Variants in MTRF1L observed in about 807,000 individuals in gnomAD.
MTRF1L encodes peptide chain release factor 1-like, mitochondrial.
In MTRF1L, 29 loss-of-function variants were observed where a neutral mutation model predicts 40.0. The observed-to-expected ratio is 0.73, with a 90% CI of 0.54 to 0.99. The LOEUF is 0.99. Ranked by LOEUF, MTRF1L falls within the 50% of genes least tolerant of loss-of-function variation. The pLI, the probability that MTRF1L is intolerant of heterozygous loss-of-function variation, is 0.00. For missense variants in MTRF1L, 412 were observed against 464.5 expected, an observed-to-expected ratio of 0.89 and a Z score of 1.04; for synonymous variants, 150 against 175.8, an observed-to-expected ratio of 0.85 and a Z score of 1.16.
intron 1 of MTRF1L, 150 bp from the exon 2 acceptor site, chr6:152,998,779 C>G: frequency 2.4e-6 from 1 of 415,068 alleles, no homozygotes; most frequent in South Asian, 6.6e-5. Flanking sequence ...CAATAAATGC[C>G]TTTCAATAAA....
chr6:153,001,152 C>T (rs1584108253), intron 1 of MTRF1L, among the ~76,000 whole-genome samples: 1 of 152,134 alleles, frequency 6.6e-6, no homozygotes, highest in Admixed American at 6.5e-5. Context: ...GAATTAGAGG[C>T]GTGAGCCACC....
intron 2 of MTRF1L, among the ~76,000 whole-genome samples, chr6:152,997,508 T>C (rs962237212): frequency 1.3e-5 from 2 of 152,186 alleles, no homozygotes; most frequent in African/African-American, 2.4e-5. Context: ...TTTACCAGTA[T>C]GATCCTGGAG....
chr6:152,998,443 GT>G, intron 2 of MTRF1L, 106 bp downstream of exon 2: 1 of 781,622 alleles, frequency 1.3e-6, no homozygotes, highest in East Asian at 3.1e-5. Flanking sequence ...AAAAAACCCA[GT>G]TTATTCTAAA....
chr6:152,995,490 C>A (rs1376620226), intron 2 of MTRF1L, among the ~76,000 whole-genome samples, 171 bp from the exon 3 acceptor site: 1 of 152,108 alleles, frequency 6.6e-6, no homozygotes, highest in Non-Finnish European at 1.5e-5. Flanking sequence ...TAATGTGTAA[C>A]TTCCATAAAG....
In MTRF1L at chr6:152,995,320, CTG is replaced by C. The variant is rs1277084368; in HGVS notation, c.340-3_340-2del. 1 of 1,570,844 alleles carries C rather than the reference CTG, an allele frequency of 6.4e-7. No individual in the cohort carries two copies. The highest frequency in any genetic ancestry group is 8.6e-7 in the Non-Finnish European group (1 of 1,161,602). On this transcript the variant is annotated splice_acceptor_variant and splice_polypyrimidine_tract_variant and intron_variant, in intron 2 of 6. Transcript: ENST00000367233. LOFTEE classifies it high-confidence loss of function. ...CTGAGGGAACCAAAAGTAAGATAAT[CTG>C]TAAATATAAAAATATCACCCCTCCT...
chr6:152,992,964 A>T lies in MTRF1L; in HGVS notation c.698T>A (p.Val233Glu), dbSNP rs751405319. The T allele has an allele frequency of 6.2e-7, 1 of 1,611,694 alleles. No homozygotes were observed. Among genetic ancestry groups the T allele is most frequent in the Non-Finnish European group, 8.5e-7 (1 of 1,178,386 alleles). ...ILPQPTEINL[V>E]INPKDLRIDT... ...AATTCTCAAATCTTTCGGATTAATC[A>T]CCAGATTAATCTATACAGAAGAAAA... Residue 233 changes from valine to glutamate, a missense_variant, in exon 5 of 7, where the codon GTG (valine) becomes GAG (glutamate). Physicochemically the swap from Val to Glu is moderately radical, Grantham distance 121. Transcript: ENST00000367233.
intron 6 of MTRF1L, 105 bp downstream of exon 6, chr6:152,991,080 A>C (rs1778493996): frequency 1.4e-6 from 1 of 708,630 alleles, no homozygotes; most frequent in Non-Finnish European, 2.2e-6. Context: ...AATTGTTTTC[A>C]ACACAGGTTA....
At chr6:152,993,243 T>C (rs966786900) in intron 4 of MTRF1L, among the ~76,000 whole-genome samples, 1 of 152,168 alleles carries the variant, frequency 6.6e-6, no homozygotes, top group African/African-American at 2.4e-5. Context: ...ATCCATTTCT[T>C]ACCACAGAAA....
rs888548666 is a variant in MTRF1L, at chr6:153,002,686, C to T, written c.-1G>A. The T allele has an allele frequency of 6.1e-6, 9 of 1,481,244 alleles. No homozygotes were observed. Among genetic ancestry groups the T allele is most frequent in the Non-Finnish European group, 8.0e-6 (9 of 1,121,266 alleles). The allele number at this position is 1,481,244 out of a possible 1,614,324, so 91.8% of individuals were successfully genotyped here. ...CGCCCCACAGAACCCGGGACCGCAT[C>T]CTTAGTCCGAGATCGCGGACCCTGA... On this transcript the variant is annotated 5_prime_UTR_variant, in exon 1 of 7. Transcript: ENST00000367233.
intron 1 of MTRF1L, 65 bp downstream of exon 1, chr6:153,002,362 G>C (rs1189454348): frequency 6.2e-7 from 1 of 1,612,240 alleles, no homozygotes; most frequent in Admixed American, 1.7e-5. Flanking sequence ...AGTGTGGGCA[G>C]TGGAAAAGTC....
intron 1 of MTRF1L, among the ~76,000 whole-genome samples, chr6:152,999,861 G>T (rs1332572892): frequency 6.6e-6 from 1 of 152,170 alleles, no homozygotes; most frequent in Non-Finnish European, 1.5e-5. Flanking sequence ...TGTGAAAACA[G>T]ACTAATACAC....
At chr6:152,999,252 C>T (rs1454717271) in intron 1 of MTRF1L, among the ~76,000 whole-genome samples, 1 of 150,594 alleles carries the variant, frequency 6.6e-6, no homozygotes, top group Non-Finnish European at 1.5e-5. Context: ...CTTTCTCATT[C>T]CTCTACCCTA....
At chr6:153,002,037 T>C (rs1201015806) in intron 1 of MTRF1L, among the ~76,000 whole-genome samples, 1 of 152,206 alleles carries the variant, frequency 6.6e-6, no homozygotes, top group Non-Finnish European at 1.5e-5. Context: ...CACGTATAGG[T>C]CTGAGATTCT....
intron 2 of MTRF1L, among the ~76,000 whole-genome samples, chr6:152,997,559 G>T (rs1778755532): frequency 6.6e-6 from 1 of 152,204 alleles, no homozygotes; most frequent in Non-Finnish European, 1.5e-5. Context: ...GAGGTGGAAG[G>T]GGTCGAGTCA....
intron 6 of MTRF1L, 92 bp from the exon 7 acceptor site, chr6:152,990,187 A>AT: frequency 6.7e-7 from 1 of 1,496,170 alleles, no homozygotes; most frequent in African/African-American, 1.5e-5. Context: ...TTCTTGATTT[A>AT]TAACATGAAT....
In MTRF1L at chr6:152,989,605, C is replaced by T. The variant is rs1778428417; in HGVS notation, c.*290G>A. On this transcript the variant is annotated 3_prime_UTR_variant, in exon 7 of 7. Coordinates refer to ENST00000367233, the MANE Select transcript of MTRF1L (RefSeq NM_019041.7). Reference sequence around the variant, plus strand: ...AAAGTTGGAAAATTGTTAAGTCAAGCTGTCATTAATTAGGAGACTGCTGTG... The same window carrying T: ...AAAGTTGGAAAATTGTTAAGTCAAGTTGTCATTAATTAGGAGACTGCTGTG... 1 of 273,720 alleles carries T rather than the reference C, an allele frequency of 3.7e-6. No homozygotes were observed. Among genetic ancestry groups the T allele is most frequent in the Admixed American group, 5.2e-5 (1 of 19,270 alleles). The allele number at this position is 273,720 out of a possible 1,614,324, so 17.0% of individuals were successfully genotyped here.
At chr6:152,991,442 C>T (rs896607392) in intron 5 of MTRF1L, 121 bp from the exon 6 acceptor site, 34 of 1,174,126 alleles carry the variant, frequency 2.9e-5, no homozygotes, top group East Asian at 2.9e-5. Context: ...AAACAGAGGA[C>T]TCTAATAAAA....
intron 1 of MTRF1L, 57 bp from the exon 2 acceptor site, chr6:152,998,686 A>C: frequency 8.3e-7 from 1 of 1,203,302 alleles, no homozygotes; most frequent in South Asian, 1.4e-5. Context: ...AATTGCTAGC[A>C]GACTTCTAGG....
At chr6:152,993,103 G>C in intron 4 of MTRF1L, 129 bp from the exon 5 acceptor site, 1 of 700,034 alleles carries the variant, frequency 1.4e-6, no homozygotes, top group Non-Finnish European at 2.4e-6. Context: ...TTTAAGACTA[G>C]AGAGTAGCTA....
Sources: allele counts gnomAD v4.1 joint callset (sites outside exome capture counted in the v4.1 genomes callset), GRCh38; gene constraint gnomAD v4.1.1; transcripts MANE v1.5; gene names NCBI Gene and HGNC (gene_info 2026-07-23, HGNC 2026-07-21).